Variants in ZFAND3 observed in about 807,000 individuals in gnomAD.
ZFAND3 encodes AN1-type zinc finger protein 3.
A neutral mutation model predicts 29.6 loss-of-function variants in ZFAND3; 10 were observed. The observed-to-expected ratio is 0.34, with a 90% CI of 0.21 to 0.57. The LOEUF (loss-of-function observed/expected upper bound fraction) is 0.57. Ranked by LOEUF, ZFAND3 falls within the 20% of genes least tolerant of loss-of-function variation. The pLI is 0.86. For missense variants in ZFAND3, 230 were observed against 304.5 expected (o/e 0.76, Z 1.82); for synonymous variants, 128 against 112.6 (o/e 1.14, Z -0.87).
chr6:37,978,243 A>G (rs1352423254), intron 2 of ZFAND3, among the ~76,000 whole-genome samples: 1 of 152,182 alleles, frequency 6.6e-6, no homozygotes, highest in Non-Finnish European at 1.5e-5. Context: ...AATATAGTGA[A>G]TTAATTACAC....
intron 1 of ZFAND3, among the ~76,000 whole-genome samples, chr6:37,863,036 A>G (rs1485659948): frequency 6.6e-6 from 1 of 152,128 alleles, no homozygotes; most frequent in Non-Finnish European, 1.5e-5. Context: ...GCATCGAGTA[A>G]TGGCAACACT....
chr6:37,835,570 T>A (rs1763952768), intron 1 of ZFAND3, among the ~76,000 whole-genome samples: 1 of 151,828 alleles, frequency 6.6e-6, no homozygotes, highest in Non-Finnish European at 1.5e-5. Context: ...TTTAAAAAAA[T>A]TATAAAATGA....
intron 1 of ZFAND3, among the ~76,000 whole-genome samples, chr6:37,922,160 T>C (rs1033190566): frequency 6.6e-6 from 1 of 152,160 alleles, no homozygotes; most frequent in African/African-American, 2.4e-5. Flanking sequence ...AAGGTAATTT[T>C]GCAATATTTA....
intron 2 of ZFAND3, among the ~76,000 whole-genome samples, chr6:38,044,162 A>C (rs1450525842): frequency 2.0e-5 from 3 of 152,224 alleles, no homozygotes; most frequent in African/African-American, 7.2e-5. Flanking sequence ...TCTTCTGAAT[A>C]CAGTCACTAC....
intron 1 of ZFAND3, among the ~76,000 whole-genome samples, chr6:37,873,265 G>A (rs555926477): frequency 2.6e-5 from 4 of 152,162 alleles, no homozygotes; most frequent in Admixed American, 6.5e-5. Flanking sequence ...GCGAGACTCC[G>A]TCTCAAAAAA....
At position 38,123,452 on chromosome 6, in the gene ZFAND3, G is replaced by A. The variant is rs12661129; in HGVS notation, c.529+6713G>A. 0.017 allele frequency among the ~76,000 whole-genome samples: 2,527 copies of A among 152,302 alleles called. 253 individuals are homozygous for A. In the East Asian group the frequency reaches 0.28, roughly 17 times the overall value. ...TCTGTAAAGGAAAGTGAGGCAGTAT[G>A]TTCTTATAAAAAGCCTTATTCTGTT... is the stretch of plus-strand genomic sequence containing the variant. On this transcript the variant is annotated intron_variant, in intron 5 of 5. Transcript: ENST00000287218.
rs756309339 is a variant in ZFAND3 at position 37,908,043 on chromosome 6, C to T, written c.72-21916C>T. On this transcript the variant is annotated intron_variant, in intron 1 of 5. Coordinates refer to ENST00000287218, the MANE Select transcript of ZFAND3 (RefSeq NM_021943.3). The stretch of plus-strand genomic sequence containing the variant: ...AAAATGTCTTCTGTAGTTCCCACCC[C>T]GCCGTTTCTAATGTAACATCCCCAA... 3.3e-5 allele frequency among the ~76,000 whole-genome samples: 5 copies of T among 152,222 alleles called. No individual in the cohort carries two copies. In the South Asian group the frequency reaches 6.2e-4, roughly 19 times the overall value.
intron 3 of ZFAND3, among the ~76,000 whole-genome samples, chr6:38,081,153 T>A (rs2127470469): frequency 6.7e-6 from 1 of 150,276 alleles, no homozygotes; most frequent in Middle Eastern, 3.4e-3. Context: ...TGTACAGAAG[T>A]TTTTTCTTTT....
chr6:37,918,599 A>G (rs908542857), intron 1 of ZFAND3, among the ~76,000 whole-genome samples: 1 of 152,166 alleles, frequency 6.6e-6, no homozygotes, highest in African/African-American at 2.4e-5. Flanking sequence ...CCTTTGATTT[A>G]ATTTACCATA....
intron 2 of ZFAND3, among the ~76,000 whole-genome samples, chr6:38,050,683 C>G (rs1764009276): frequency 6.6e-6 from 1 of 152,116 alleles, no homozygotes; most frequent in Non-Finnish European, 1.5e-5. Flanking sequence ...AACCTCTTTT[C>G]TTTATAAGTT....
intron 2 of ZFAND3, among the ~76,000 whole-genome samples, chr6:37,975,197 A>C (rs1182932322): frequency 2.6e-5 from 4 of 152,088 alleles, no homozygotes; most frequent in Admixed American, 1.3e-4. Context: ...GTGTGTACTG[A>C]TTCCTCATTA....
chr6:37,849,997 G>C (rs1183444769), intron 1 of ZFAND3, among the ~76,000 whole-genome samples: 1 of 152,080 alleles, frequency 6.6e-6, no homozygotes, highest in South Asian at 2.1e-4. Flanking sequence ...TGCTTGCTGC[G>C]GGTACCTATA....
intron 3 of ZFAND3, among the ~76,000 whole-genome samples, chr6:38,067,502 G>C (rs1377602790): frequency 1.3e-5 from 2 of 152,180 alleles, no homozygotes; most frequent in Non-Finnish European, 2.9e-5. Context: ...CGATCTAAAG[G>C]ACATTGCATG....
chr6:37,828,095 T>G (rs558709358), intron 1 of ZFAND3, among the ~76,000 whole-genome samples: 32 of 152,358 alleles, frequency 2.1e-4, no homozygotes, highest in African/African-American at 6.5e-4. Flanking sequence ...TCTTACACAC[T>G]GATAAGTTGA....
Position 38,042,313 on chromosome 6 carries a change from CTT to C in ZFAND3, c.113-19263_113-19262del, listed in dbSNP as rs35136153. Among the ~76,000 whole-genome samples the C allele has an allele frequency of 4.4e-3, 403 of 91,854 alleles. 2 individuals are homozygous for C. Among genetic ancestry groups the C allele is most frequent in the African/African-American group, 0.01 (273 of 26,402 alleles). The allele number at this position is 91,854 out of a possible 152,430, so 60.3% of individuals were successfully genotyped here. On this transcript the variant is annotated intron_variant, in intron 2 of 5. Transcript: ENST00000287218. ...CACATATAACTCCTTCTTGAGCTTG[CTT>C]TTTTTTTTTTTTTTTTGAGATGGAG...
chr6:37,994,373 T>G (rs991224532), intron 2 of ZFAND3, among the ~76,000 whole-genome samples: 3 of 152,166 alleles, frequency 2.0e-5, no homozygotes, highest in African/African-American at 4.8e-5. Flanking sequence ...TGCCTGTGAA[T>G]GGGGATATTT....
chr6:38,131,735 A>T (rs1250002033), intron 5 of ZFAND3, among the ~76,000 whole-genome samples: 1 of 152,186 alleles, frequency 6.6e-6, no homozygotes, highest in Non-Finnish European at 1.5e-5. Context: ...CACAGCCCCT[A>T]TTGGAGTATG....
At chr6:37,855,531 A>G (rs925692510) in intron 1 of ZFAND3, among the ~76,000 whole-genome samples, 1 of 152,084 alleles carries the variant, frequency 6.6e-6, no homozygotes, top group East Asian at 1.9e-4. Context: ...TTTGAACCCC[A>G]TATTCTTTGA....
chr6:38,106,761 A>G (rs1462214012), intron 4 of ZFAND3, among the ~76,000 whole-genome samples: 1 of 152,024 alleles, frequency 6.6e-6, no homozygotes, highest in African/African-American at 2.4e-5. Context: ...ACAGCTCACT[A>G]CTGTACTTAG....
Sources: gnomAD v4.1 joint callset for allele counts (sites outside exome capture counted in the v4.1 genomes callset) on GRCh38, gnomAD v4.1.1 for gene constraint, MANE v1.5 for transcripts, NCBI Gene and HGNC (gene_info 2026-07-23, HGNC 2026-07-21) for gene names.